The following NBEA variants were observed in gnomAD, a reference collection of about 807,000 sequenced individuals.
NBEA encodes neurobeachin.
NBEA carries 44 observed loss-of-function variants against 343.4 expected under a neutral mutation model. The ratio of observed to expected loss-of-function variants is 0.13; its 90% CI spans 0.10 to 0.16. NBEA has a LOEUF of 0.16. Ranked by LOEUF, NBEA falls within the 10% of genes least tolerant of loss-of-function variation. NBEA has a pLI of 1.00. For missense variants in NBEA, 2,555 were observed against 3,631.3 expected, an observed-to-expected ratio of 0.70 and a Z score of 7.62; for synonymous variants, 1,175 against 1,238.7, an observed-to-expected ratio of 0.95 and a Z score of 1.08.
chr13:35,208,784 G>A lies in NBEA; in HGVS notation c.5451G>A (p.Leu1817=). 1 of 1,610,842 alleles carries A rather than the reference G, an allele frequency of 6.2e-7. No homozygotes were observed. The highest frequency in any genetic ancestry group is 8.5e-7 in the Non-Finnish European group (1 of 1,178,126). ...TVGATTAGSG[L]PTGSTSNIFA... The stretch of plus-strand genomic sequence containing the variant: ...GAGCCACTACTGCTGGAAGTGGGCT[G>A]CCAACAGGCAGTACCTCTAATATAT... Residue 1817 remains leucine, a synonymous_variant, in exon 32 of 59, where the codon CTG becomes CTA. Transcript: ENST00000379939.
chr13:35,241,283 A>G (rs1211523428), intron 34 of NBEA, among the ~76,000 whole-genome samples: 2 of 151,832 alleles, frequency 1.3e-5, no homozygotes, highest in African/African-American at 4.8e-5. Context: ...CCACATACAT[A>G]TGGTAACATT....
chr13:35,255,166 T>A (rs1213870178), intron 34 of NBEA, among the ~76,000 whole-genome samples: 1 of 152,230 alleles, frequency 6.6e-6, no homozygotes, highest in Non-Finnish European at 1.5e-5. Context: ...AAACATTACT[T>A]ATTTTTTTCC....
intron 1 of NBEA, among the ~76,000 whole-genome samples, chr13:34,951,340 TATAAG>T (rs559793003): frequency 3.3e-4 from 50 of 152,358 alleles, no homozygotes; most frequent in African/African-American, 1.1e-3. Flanking sequence ...ATTTCAACCT[TATAAG>T]ATAGATATAC....
At chr13:35,297,548 A>G (rs1432536957) in intron 35 of NBEA, among the ~76,000 whole-genome samples, 1 of 151,986 alleles carries the variant, frequency 6.6e-6, no homozygotes, top group Non-Finnish European at 1.5e-5. Flanking sequence ...TACATTGTTT[A>G]TTTACAACAA....
At chr13:35,027,812 A>C (rs2062068006) in intron 1 of NBEA, among the ~76,000 whole-genome samples, 1 of 152,066 alleles carries the variant, frequency 6.6e-6, no homozygotes, top group Non-Finnish European at 1.5e-5. Flanking sequence ...TATATTTTAC[A>C]TTTAAACTAT....
At chr13:35,319,544 T>C (rs183093604) in intron 36 of NBEA, among the ~76,000 whole-genome samples, 33 of 152,332 alleles carry the variant, frequency 2.2e-4, no homozygotes, top group African/African-American at 7.7e-4. Context: ...AAGTGCAGTG[T>C]GGTGCTGAGA....
At chr13:34,948,176 A>G (rs2059245929) in intron 1 of NBEA, among the ~76,000 whole-genome samples, 1 of 152,110 alleles carries the variant, frequency 6.6e-6, no homozygotes, top group Non-Finnish European at 1.5e-5. Context: ...GTGGTACCTC[A>G]GTTTTCCTTT....
At chr13:34,953,659 C>T (rs972812510) in intron 1 of NBEA, among the ~76,000 whole-genome samples, 2 of 152,138 alleles carry the variant, frequency 1.3e-5, no homozygotes, top group Non-Finnish European at 2.9e-5. Flanking sequence ...GGTTCCATAT[C>T]CGTGAATTCA....
chr13:35,534,038 T>C (rs1014820108), intron 41 of NBEA, among the ~76,000 whole-genome samples: 1 of 152,182 alleles, frequency 6.6e-6, no homozygotes, highest in African/African-American at 2.4e-5. Context: ...CAGGTGTAGA[T>C]AGGTTAATTG....
chr13:35,249,094 A>G (rs1163854905), intron 34 of NBEA, among the ~76,000 whole-genome samples: 1 of 148,718 alleles, frequency 6.7e-6, no homozygotes, highest in Non-Finnish European at 1.5e-5. Flanking sequence ...GGTTGCAGTG[A>G]GCAGAGATTG....
chr13:34,987,234 T>G (rs893034074), intron 1 of NBEA, among the ~76,000 whole-genome samples: 1 of 150,930 alleles, frequency 6.6e-6, no homozygotes, highest in African/African-American at 2.4e-5. Context: ...CTGTAAAGGA[T>G]TTTATTTCTC....
intron 41 of NBEA, among the ~76,000 whole-genome samples, chr13:35,478,061 C>T (rs1017719293): frequency 1.4e-4 from 22 of 152,134 alleles, no homozygotes; most frequent in African/African-American, 5.1e-4. Context: ...AATCCTATAA[C>T]TCCCGGTAAC....
chr13:35,343,973 T>G (rs2039734115), intron 36 of NBEA, among the ~76,000 whole-genome samples: 1 of 152,044 alleles, frequency 6.6e-6, no homozygotes, highest in Admixed American at 6.6e-5. Context: ...GTGGAAAAAT[T>G]GTCGTCCATG....
At chr13:35,163,353 C>A (rs979906643) in intron 23 of NBEA, among the ~76,000 whole-genome samples, 2 of 151,408 alleles carry the variant, frequency 1.3e-5, no homozygotes, top group Non-Finnish European at 2.9e-5. Flanking sequence ...TTATTTTTTT[C>A]CCATTAAAAA....
rs772465311 is a variant in NBEA at position 35,070,054 on chromosome 13, A to G, written c.1386A>G (p.Pro462=). 6.9e-6 allele frequency: 11 copies of G among 1,603,134 alleles called. No individual in the cohort carries two copies. Among genetic ancestry groups the G allele is most frequent in the African/African-American group, 1.3e-5 (1 of 74,570 alleles). ...TDAQLCLESS[P]KENASIFVHS... ...CTCAGCTCTGCCTGGAATCATCACC[A>G]AAAGAGAATGCATCAATTTTTGTGC... Residue 462 remains proline, a synonymous_variant, in exon 9 of 59, where the codon CCA becomes CCG. Coordinates refer to ENST00000379939, the MANE Select transcript of NBEA (RefSeq NM_001385012.1).
intron 34 of NBEA, among the ~76,000 whole-genome samples, chr13:35,270,351 A>G (rs1183458243): frequency 6.6e-6 from 1 of 152,208 alleles, no homozygotes; most frequent in Non-Finnish European, 1.5e-5. Flanking sequence ...AAGAATGGTT[A>G]CAGACCACTT....
In NBEA at chr13:35,413,985, G is replaced by T. The variant is rs147240634; in HGVS notation, c.6180-18284G>T. Among the ~76,000 whole-genome samples, 17 of 152,240 alleles carry T rather than the reference G, an allele frequency of 1.1e-4. No homozygotes were observed. The East Asian group carries it at 3.3e-3, about 29-fold the overall frequency. ...ATCCAAACAGACTTCGGTGTAGCAT[G>T]AGTACCCATGCAACTGTGGAGACAG... On this transcript the variant is annotated intron_variant, in intron 38 of 58. Coordinates refer to ENST00000379939, the MANE Select transcript of NBEA (RefSeq NM_001385012.1).
intron 38 of NBEA, among the ~76,000 whole-genome samples, chr13:35,386,045 A>G (rs971631513): frequency 9.9e-5 from 15 of 152,160 alleles, no homozygotes; most frequent in African/African-American, 3.6e-4. Context: ...TTCTGAATAT[A>G]TAATAGAAAA....
chr13:35,485,665 G>C (rs2076279721), intron 41 of NBEA, among the ~76,000 whole-genome samples: 2 of 152,078 alleles, frequency 1.3e-5, no homozygotes, highest in Non-Finnish European at 2.9e-5. Context: ...AGCTAATGAT[G>C]ACAAATGCCC....
Sources: gnomAD v4.1 joint callset for allele counts (sites outside exome capture counted in the v4.1 genomes callset) on GRCh38, gnomAD v4.1.1 for gene constraint, MANE v1.5 for transcripts, NCBI Gene and HGNC (gene_info 2026-07-23, HGNC 2026-07-21) for gene names.